Variants in JADE3 observed in about 807,000 individuals in gnomAD.
JADE3 encodes jade family PHD finger 3.
In JADE3, 2 loss-of-function variants were observed where a neutral mutation model predicts 50.1. The ratio of observed to expected loss-of-function variants is 0.04; its 90% CI spans 0.02 to 0.13. The LOEUF is 0.13. Among genes scored for constraint, JADE3 ranks in the 10% least tolerant of loss-of-function variants. The pLI, the probability that JADE3 is intolerant of heterozygous loss-of-function variation, is 1.00. For synonymous variants in JADE3, 218 were observed against 232.9 expected (o/e 0.94, Z 0.58); for missense variants, 475 against 634.4 (o/e 0.75, Z 2.70).
intron 1 of JADE3, among the ~76,000 whole-genome samples, chrX:46,977,436 C>T (rs1345249277): frequency 1.8e-5 from 2 of 111,867 alleles, no homozygotes; most frequent in African/African-American, 3.2e-5. Context: ...ATGCCATAAA[C>T]CTATCTATCA....
intron 1 of JADE3, among the ~76,000 whole-genome samples, chrX:46,918,132 GT>G (rs1277570411): frequency 9.0e-6 from 1 of 111,363 alleles, no homozygotes; most frequent in African/African-American, 3.3e-5. Context: ...CTAGAAGGAG[GT>G]TTAATTAGGC....
chrX:46,914,161 A>G (rs1926031396), intron 1 of JADE3, among the ~76,000 whole-genome samples: 1 of 112,192 alleles, frequency 8.9e-6, no homozygotes, highest in Non-Finnish European at 1.9e-5. Flanking sequence ...ACTTTCCCAG[A>G]CCAGTTCTCC....
chrX:46,917,858 C>CCTCTCTCT (rs150958785), intron 1 of JADE3, among the ~76,000 whole-genome samples: 1 of 22,834 alleles, frequency 4.4e-5, no homozygotes, highest in African/African-American at 1.1e-4. Flanking sequence ...TCTCTCTCAT[C>CCTCTCTCT]CTCTCTCTCT....
chrX:46,938,255 C>A (rs1429634454), intron 1 of JADE3, among the ~76,000 whole-genome samples: 5 of 110,796 alleles, frequency 4.5e-5, no homozygotes, highest in African/African-American at 1.3e-4. Context: ...TCTTTTTTCC[C>A]ATTTTCCTGT....
At chrX:46,972,603 C>T (rs898331460) in intron 1 of JADE3, among the ~76,000 whole-genome samples, 4 of 108,603 alleles carry the variant, frequency 3.7e-5, no homozygotes, top group Non-Finnish European at 7.7e-5. Context: ...TGTAGTCTTT[C>T]TGTTTTTTTC....
At chrX:47,001,132 G>A (rs1378165065) in intron 4 of JADE3, among the ~76,000 whole-genome samples, 1 of 111,704 alleles carries the variant, frequency 9.0e-6, no homozygotes, top group Non-Finnish European at 1.9e-5. Flanking sequence ...GGTTGCTCTT[G>A]GTAGGTATAT....
rs782350492 is a variant in JADE3 at position 47,059,121 on chromosome X, A to G, written c.*44A>G. ...GACCCAACCTTTGCCTTTGCCCCAT[A>G]TATTGGGGAAAACCCATACACCAAA... On this transcript the variant is annotated 3_prime_UTR_variant, in exon 11 of 11. Coordinates refer to ENST00000614628, the MANE Select transcript of JADE3 (RefSeq NM_014735.5). 5.2e-5 allele frequency: 51 copies of G among 986,830 alleles called. 1 individual carries two copies. The East Asian group carries it at 6.8e-4, about 13-fold the overall frequency. The allele number at this position is 986,830 out of a possible 1,213,427, so 81.3% of individuals were successfully genotyped here.
chrX:46,989,215 G>A (rs1342260720), intron 3 of JADE3, among the ~76,000 whole-genome samples: 1 of 111,912 alleles, frequency 8.9e-6, no homozygotes, highest in East Asian at 2.8e-4. Context: ...CTCAATTTCT[G>A]ATTTTCCTGG....
chrX:46,956,546 AG>A (rs1337439568), intron 1 of JADE3, among the ~76,000 whole-genome samples: 1 of 110,954 alleles, frequency 9.0e-6, no homozygotes, highest in Non-Finnish European at 1.9e-5. Context: ...TTTATTTTAG[AG>A]ACAGGGTTTC....
At chrX:46,963,804 G>A (rs1927312595) in intron 1 of JADE3, among the ~76,000 whole-genome samples, 1 of 111,641 alleles carries the variant, frequency 9.0e-6, no homozygotes, top group East Asian at 2.8e-4. Flanking sequence ...GCCTCTTGAG[G>A]CCTAGGCTCT....
At chrX:47,014,662 C>T (rs782535686) in intron 4 of JADE3, among the ~76,000 whole-genome samples, 5 of 111,715 alleles carry the variant, frequency 4.5e-5, no homozygotes, top group Admixed American at 3.8e-4. Flanking sequence ...TTGAAATCTA[C>T]ATATAGTTTT....
At chrX:46,932,522 A>G (rs1926519420) in intron 1 of JADE3, among the ~76,000 whole-genome samples, 1 of 112,563 alleles carries the variant, frequency 8.9e-6, no homozygotes, top group African/African-American at 3.2e-5. Context: ...CTAATAAGTT[A>G]AATGTCTTTG....
In JADE3 at chrX:47,011,518, A is replaced by G. The variant is rs782529089; in HGVS notation, c.285-13206A>G. Among the ~76,000 whole-genome samples, 365 of 111,687 alleles carry G rather than the reference A, an allele frequency of 3.3e-3. 1 individual carries two copies. The highest frequency in any genetic ancestry group is 0.011 in the African/African-American group (350 of 30,717). ...AAAATTCATACAGGTTTTTGAGTGC[A>G]CATATGTTTTCATTTCTCTTGGGTA... On this transcript the variant is annotated intron_variant, in intron 4 of 10. Transcript: ENST00000614628.
At chrX:46,917,324 A>G (rs1556336568) in intron 1 of JADE3, among the ~76,000 whole-genome samples, 1 of 111,283 alleles carries the variant, frequency 9.0e-6, no homozygotes, top group African/African-American at 3.3e-5. Context: ...ACATTACCAT[A>G]TAGGATAATA....
chrX:47,037,060 GTAAC>G (rs1264637740), intron 7 of JADE3, among the ~76,000 whole-genome samples: 1 of 97,782 alleles, frequency 1.0e-5, no homozygotes, highest in Admixed American at 1.1e-4. Flanking sequence ...GTATACATCT[GTAAC>G]TAACCTGCAC....
intron 1 of JADE3, among the ~76,000 whole-genome samples, chrX:46,984,533 T>C (rs782592641): frequency 2.7e-4 from 30 of 111,932 alleles, no homozygotes; most frequent in African/African-American, 9.1e-4. Flanking sequence ...TCGTCTCTTA[T>C]TGGGGATCAC....
chrX:46,944,954 C>T lies in JADE3; in HGVS notation c.-12+32235C>T, dbSNP rs782732770. Among the ~76,000 whole-genome samples, 4 of 109,766 alleles carry T rather than the reference C, an allele frequency of 3.6e-5. No individual in the cohort carries two copies. In the South Asian group the frequency reaches 1.6e-3, roughly 45 times the overall value. On this transcript the variant is annotated intron_variant, in intron 1 of 10. Coordinates refer to ENST00000614628, the MANE Select transcript of JADE3 (RefSeq NM_014735.5). ...GACCTCCTGGGCTCAAGCAATCCTC[C>T]CACTTCAGCCTCCCAAGTAGCTGAG...
intron 6 of JADE3, among the ~76,000 whole-genome samples, chrX:47,029,150 C>T (rs782626395): frequency 9.0e-6 from 1 of 111,630 alleles, no homozygotes; most frequent in East Asian, 2.8e-4. Flanking sequence ...AAGGAAACTG[C>T]CAATTTAGCA....
intron 1 of JADE3, among the ~76,000 whole-genome samples, chrX:46,971,116 T>C (rs1927474405): frequency 1.0e-5 from 1 of 95,787 alleles, no homozygotes; most frequent in South Asian, 5.4e-4. Context: ...AAATTTTTTT[T>C]TTTTTTTTTT....
Sources: gnomAD v4.1 joint callset for allele counts (sites outside exome capture counted in the v4.1 genomes callset) on GRCh38, gnomAD v4.1.1 for gene constraint, MANE v1.5 for transcripts, NCBI Gene and HGNC (gene_info 2026-07-23, HGNC 2026-07-21) for gene names.